Variants in TMEM18 observed in about 807,000 individuals in gnomAD.
The protein encoded by TMEM18 is transmembrane protein 18.
In TMEM18, 14 loss-of-function variants were observed where a neutral mutation model predicts 17.4. The ratio of observed to expected loss-of-function variants is 0.80; its 90% CI spans 0.53 to 1.25. The LOEUF is 1.25. TMEM18 is among the 50% of genes most tolerant of loss of function. The probability of loss-of-function intolerance (pLI) is 0.00; values close to 1 mark genes in which losing one functional copy is unlikely to be tolerated. For missense variants in TMEM18, 187 were observed against 172.1 expected (o/e 1.09, Z -0.48); for synonymous variants, 86 against 66.1 (o/e 1.30, Z -1.46).
chr2:672,793 C>G lies in TMEM18; in HGVS notation c.233+15G>C, dbSNP rs552508699. 1.1e-4 allele frequency: 163 copies of G among 1,460,746 alleles called. No individual in the cohort carries two copies. The highest frequency in any genetic ancestry group is 1.4e-4 in the Non-Finnish European group (151 of 1,108,424). 90.5% of individuals were successfully genotyped at this position (1,460,746 alleles called of 1,614,324 possible). ...CCCTGCAGGGACCTGGTCACAGGCCCGGGGGTGGGCTCACCTCCAGTTCAT... is the reference window on the plus strand; with the variant it reads ...CCCTGCAGGGACCTGGTCACAGGCCGGGGGGTGGGCTCACCTCCAGTTCAT... On this transcript the variant is annotated intron_variant, in intron 3 of 4. Coordinates refer to ENST00000281017, the MANE Select transcript of TMEM18 (RefSeq NM_152834.4).
rs193263522 is a variant in TMEM18 at position 676,072 on chromosome 2, C to G, written c.58-442G>C. On this transcript the variant is annotated intron_variant, in intron 1 of 4. Transcript: ENST00000281017. ...ACTTGGCTCAGCCCCAAAGGTAAAA[C>G]ATGAATCATCATTTCAGACTCCTTA... The G allele has an allele frequency of 7.7e-5, 102 of 1,321,064 alleles. No homozygotes were observed. The African/African-American group carries it at 1.2e-3, about 16-fold the overall frequency. The allele number at this position is 1,321,064 out of a possible 1,614,324, so 81.8% of individuals were successfully genotyped here.
At chr2:672,708 G>A (rs1383355546) in intron 3 of TMEM18, 100 bp downstream of exon 3, 19 of 1,131,368 alleles carry the variant, frequency 1.7e-5, no homozygotes, top group Non-Finnish European at 2.2e-5. Flanking sequence ...CAGCTGCCAC[G>A]TTAGGATTCA....
In TMEM18 at chr2:664,768, T is replaced by A. The variant is rs1338232584; in HGVS notation, c.*4812A>T. On this transcript the variant is annotated 3_prime_UTR_variant, in exon 5 of 5. Transcript: ENST00000281017. ...TTCACTTGTAAGAATTTATTCCAAG[T>A]CAATAGTGGAAATGTAGGCATGTGA... 2.6e-5 allele frequency among the ~76,000 whole-genome samples: 4 copies of A among 152,216 alleles called. No homozygotes were observed. Among genetic ancestry groups the A allele is most frequent in the Non-Finnish European group, 5.9e-5 (4 of 68,038 alleles).
At chr2:670,415 G>C (rs1678810298) in intron 3 of TMEM18, 1 of 153,912 alleles carries the variant, frequency 6.5e-6, no homozygotes, top group African/African-American at 2.4e-5. Context: ...CAAAGGTACA[G>C]CGCCAGGGAG....
In TMEM18 at chr2:675,873, T is replaced by C. The variant is rs1192173353; in HGVS notation, c.58-243A>G. 2.7e-6 allele frequency: 4 copies of C among 1,492,708 alleles called. No homozygotes were observed. In the African/African-American group the frequency reaches 5.5e-5, roughly 21 times the overall value. 92.5% of individuals were successfully genotyped at this position (1,492,708 alleles called of 1,614,324 possible). A position where few individuals can be genotyped will look rare whatever the true frequency, so the allele number is the denominator to read the frequency against. The stretch of plus-strand genomic sequence containing the variant: ...TCAGTGCAACTATAATTCATGGAAT[T>C]CAAAGTTCAAGCACACAGAACTGAA... On this transcript the variant is annotated intron_variant, in intron 1 of 4. Transcript: ENST00000281017.
chr2:674,862 G>T (rs1678954110), intron 2 of TMEM18, among the ~76,000 whole-genome samples: 1 of 152,248 alleles, frequency 6.6e-6, no homozygotes, highest in African/African-American at 2.4e-5. Context: ...CTCAGCATCA[G>T]AAGTGCTTAG....
chr2:664,100 T>C lies in TMEM18; in HGVS notation c.*5480A>G, dbSNP rs1303067538. Among the ~76,000 whole-genome samples the C allele has an allele frequency of 6.6e-6, 1 of 152,236 alleles. No homozygotes were observed. The highest frequency in any genetic ancestry group is 1.5e-5 in the Non-Finnish European group (1 of 68,038). On this transcript the variant is annotated 3_prime_UTR_variant, in exon 5 of 5. Transcript: ENST00000281017. ...GGGTATTTCACAGGCATTTGTATAA[T>C]AAATGAAATGAACTTGGAAAGCATT... is the stretch of plus-strand genomic sequence containing the variant.
In TMEM18 at chr2:665,879, C is replaced by A. The variant is rs986293666; in HGVS notation, c.*3701G>T. On this transcript the variant is annotated 3_prime_UTR_variant, in exon 5 of 5. Coordinates refer to ENST00000281017, the MANE Select transcript of TMEM18 (RefSeq NM_152834.4). ...CCCACTCACTCAGATGGAGCATCAA[C>A]CCCACACACAACAGGACTCATGGAG... 2.0e-5 allele frequency among the ~76,000 whole-genome samples: 3 copies of A among 152,352 alleles called. No homozygotes were observed. The highest frequency in any genetic ancestry group is 6.5e-5 in the Admixed American group (1 of 15,306).
chr2:667,594 G>A lies in TMEM18; in HGVS notation c.*1986C>T, dbSNP rs556514692. On this transcript the variant is annotated 3_prime_UTR_variant, in exon 5 of 5. Transcript: ENST00000281017. ...TGCTTTCGTAAATTACTCAACTGCTGATCATTTTGGCTTCTATGACTTTCC... is the reference window on the plus strand; with the variant it reads ...TGCTTTCGTAAATTACTCAACTGCTAATCATTTTGGCTTCTATGACTTTCC... 1 of 152,318 alleles carries A rather than the reference G, an allele frequency of 6.6e-6. No individual in the cohort carries two copies. Among genetic ancestry groups the A allele is most frequent in the African/African-American group, 2.4e-5 (1 of 41,558 alleles). 9.4% of individuals were successfully genotyped at this position (152,318 alleles called of 1,614,324 possible).
rs200299156 is a variant in TMEM18, at chr2:675,580, C to G, written c.108G>C (p.Ala36=). ...PWLMGLATFH[A]LCVLLTCLSS... ...ACAAGCAGGTGAGGAGCACGCAGAG[C>G]GCGTGGAAGGTGGCCAGCCCCATGA... Residue 36 remains alanine (A), a synonymous_variant, in exon 2 of 5, where the codon GCG becomes GCC. Transcript: ENST00000281017. The G allele has an allele frequency of 6.2e-7, 1 of 1,614,074 alleles. No homozygotes were observed. Among genetic ancestry groups the G allele is most frequent in the African/African-American group, 1.3e-5 (1 of 74,934 alleles).
intron 2 of TMEM18, among the ~76,000 whole-genome samples, chr2:675,291 A>G (rs1200621778): frequency 1.3e-5 from 2 of 152,268 alleles, no homozygotes; most frequent in African/African-American, 4.8e-5. Context: ...CTGGTAGGCA[A>G]CAGGAACTCA....
Position 664,511 on chromosome 2 carries a change from CAACA to C in TMEM18, c.*5065_*5068del, listed in dbSNP as rs1434772798. Among the ~76,000 whole-genome samples, 1 of 152,108 alleles carries C rather than the reference CAACA, an allele frequency of 6.6e-6. No individual in the cohort carries two copies. The highest frequency in any genetic ancestry group is 1.5e-5 in the Non-Finnish European group (1 of 68,018). ...TATTCACTAAAAAAATGCAAAACAC[CAACA>C]ATCATTTGAAAAGCGTTAAACCTCA... On this transcript the variant is annotated 3_prime_UTR_variant, in exon 5 of 5. Transcript: ENST00000281017.
chr2:676,598 A>C lies in TMEM18; in HGVS notation c.57+691T>G. On this transcript the variant is annotated intron_variant, in intron 1 of 4. Transcript: ENST00000281017. ...CCAGAAGACCAGAGGCACGGAGGTG[A>C]GGGGAGCACGGCTTTCTGCCCAGAC... 3.2e-6 allele frequency: 5 copies of C among 1,550,514 alleles called. No homozygotes were observed. In the South Asian group the frequency reaches 5.9e-5, roughly 18 times the overall value.
At chr2:672,907 T>C in intron 2 of TMEM18, 45 bp from the exon 3 acceptor site, 1 of 1,475,404 alleles carries the variant, frequency 6.8e-7, no homozygotes, top group Non-Finnish European at 9.0e-7. Context: ...TGGCCCGTTA[T>C]TACTCGTTAT....
intron 3 of TMEM18, among the ~76,000 whole-genome samples, chr2:672,549 T>G (rs557890262): frequency 6.6e-6 from 1 of 152,374 alleles, no homozygotes; most frequent in South Asian, 2.1e-4. Flanking sequence ...CAAATTCCCA[T>G]GGCCACTTCT....
intron 1 of TMEM18, chr2:677,040 C>G (rs916655241): frequency 5.4e-6 from 2 of 371,064 alleles, no homozygotes; most frequent in Non-Finnish European, 9.5e-6. Context: ...CCGCCTAGCG[C>G]TCGCGCCCCG....
chr2:676,536 A>G (rs1213352719), intron 1 of TMEM18: 6 of 1,548,066 alleles, frequency 3.9e-6, no homozygotes, highest in Non-Finnish European at 5.2e-6. Context: ...GCCATGACAT[A>G]AGGACACAAG....
At chr2:674,304 C>G (rs1678937760) in intron 2 of TMEM18, among the ~76,000 whole-genome samples, 2 of 152,218 alleles carry the variant, frequency 1.3e-5, no homozygotes, top group Admixed American at 6.5e-5. Context: ...GAGATGCCTG[C>G]CTCAGGGCCT....
chr2:673,394 C>T (rs1678910160), intron 2 of TMEM18, among the ~76,000 whole-genome samples: 1 of 151,646 alleles, frequency 6.6e-6, no homozygotes, highest in African/African-American at 2.4e-5. Context: ...CTGGTGGGGG[C>T]AGGGCAAGGC....
Sources: gnomAD v4.1 joint callset for allele counts (sites outside exome capture counted in the v4.1 genomes callset) on GRCh38, gnomAD v4.1.1 for gene constraint, MANE v1.5 for transcripts, NCBI Gene and HGNC (gene_info 2026-07-23, HGNC 2026-07-21) for gene names.